The following NPC1 variants were observed in gnomAD, a reference collection of about 807,000 sequenced individuals.
NPC1 encodes the protein NPC intracellular cholesterol transporter 1.
In NPC1, 85 loss-of-function variants were observed where a neutral mutation model predicts 140.4. The observed-to-expected ratio is 0.61, with a 90% confidence interval of 0.51 to 0.72. NPC1 has a LOEUF of 0.72. NPC1 is among the 30% of genes least tolerant of loss of function. The probability of loss-of-function intolerance (pLI) is 0.00; values close to 1 mark genes in which losing one functional copy is unlikely to be tolerated. For synonymous variants in NPC1, 656 were observed against 624.8 expected, an observed-to-expected ratio of 1.05 and a Z score of -0.74; for missense variants, 1,504 against 1,623.8, an observed-to-expected ratio of 0.93 and a Z score of 1.27.
intron 19 of NPC1, 105 bp from the exon 20 acceptor site, chr18:23,538,776 G>T: frequency 1.6e-6 from 2 of 1,236,476 alleles, no homozygotes; most frequent in Non-Finnish European, 2.3e-6. Context: ...CTTCTCTATC[G>T]ATTACTTTCC....
chr18:23,539,242 C>T (rs2058676748), intron 19 of NPC1, 113 bp downstream of exon 19: 1 of 753,984 alleles, frequency 1.3e-6, no homozygotes, highest in South Asian at 1.5e-5. Flanking sequence ...CACAGGGAGA[C>T]CCAGCTTTGA....
At chr18:23,530,622 CAATGA>C (rs751971811), downstream of NPC1, 1 of 1,609,960 alleles carries the variant, frequency 6.2e-7, no homozygotes, top group Non-Finnish European at 8.5e-7. Context: ...GGTGAGAATG[CAATGA>C]AAAGACTTGG....
At chr18:23,571,939 A>G (rs1351474065) in intron 3 of NPC1, 135 bp downstream of exon 3, 2 of 306,640 alleles carry the variant, frequency 6.5e-6, no homozygotes, top group South Asian at 5.6e-5. Context: ...ACATATATGT[A>G]TAAATATATA....
intron 9 of NPC1, among the ~76,000 whole-genome samples, chr18:23,552,039 G>A (rs1294844667): frequency 6.6e-6 from 1 of 152,198 alleles, no homozygotes; most frequent in Non-Finnish European, 1.5e-5. Flanking sequence ...CAGACCCAGA[G>A]CTCCGAGGAT....
chr18:23,534,132 C>T (rs771681995), intron 23 of NPC1: 12 of 498,120 alleles, frequency 2.4e-5, no homozygotes, highest in Middle Eastern at 5.7e-4. Flanking sequence ...AGGCACCAAC[C>T]GCACATCACA....
chr18:23,518,818 C>T (rs1030175254), downstream of NPC1: 25 of 1,359,116 alleles, frequency 1.8e-5, no homozygotes, highest in Non-Finnish European at 2.5e-5. Flanking sequence ...ATTTACTTAA[C>T]CGTGATGCCA....
intron 6 of NPC1, 122 bp downstream of exon 6, chr18:23,560,109 A>T (rs1333768728): frequency 8.5e-7 from 1 of 1,178,966 alleles, no homozygotes; most frequent in East Asian, 2.3e-5. Flanking sequence ...TAATCCATGC[A>T]ATGGTATTCA....
In NPC1 at chr18:23,568,770, C is replaced by T. The variant is rs149021947; in HGVS notation, c.463+53G>A. On this transcript the variant is annotated intron_variant, in intron 4 of 24. Coordinates refer to ENST00000269228, the MANE Select transcript of NPC1 (RefSeq NM_000271.5). ...CAGGACAACTAAAAGGAACAATTTG[C>T]TCTGCTGTCCTGATGCCAGCTGTAA... 315 of 1,423,026 alleles carry T rather than the reference C, an allele frequency of 2.2e-4. 2 individuals carry two copies. The African/African-American group carries it at 3.9e-3, about 18-fold the overall frequency. The allele number at this position is 1,423,026 out of a possible 1,614,324, so 88.1% of individuals were successfully genotyped here.
chr18:23,551,602 A>C, intron 10 of NPC1, 25 bp downstream of exon 10: 3 of 1,530,628 alleles, frequency 2.0e-6, no homozygotes, highest in Non-Finnish European at 2.7e-6. Flanking sequence ...ATCTAAAAGG[A>C]AAAGTCAAAG....
In NPC1 at chr18:23,568,973, G is replaced by A. The variant is rs771946739; in HGVS notation, c.313C>T (p.Leu105=). The A allele has an allele frequency of 2.5e-6, 4 of 1,613,852 alleles. No individual in the cohort carries two copies. Among genetic ancestry groups the A allele is most frequent in the South Asian group, 2.2e-5 (2 of 91,066 alleles). The change falls in exon 4 of 25, where the codon CTG becomes TTG. Residue 105 remains leucine, a synonymous_variant. Coordinates refer to ENST00000269228, the MANE Select transcript of NPC1 (RefSeq NM_000271.5). ...SRCPSCFYNL[L]NLFCELTCSP... Reference sequence around the variant, plus strand: ...CATGTCAGCTCACAAAACAGGTTCAGTAGGTTATAAAAACAGGATGGACAT... The same window carrying A: ...CATGTCAGCTCACAAAACAGGTTCAATAGGTTATAAAAACAGGATGGACAT...
At chr18:23,575,352 G>A (rs1267068496) in intron 1 of NPC1, among the ~76,000 whole-genome samples, 9 of 152,204 alleles carry the variant, frequency 5.9e-5, no homozygotes, top group Admixed American at 3.9e-4. Flanking sequence ...AGGGGTGGGT[G>A]AGAAGGCGGC....
chr18:23,527,427 C>T (rs1049314943), downstream of NPC1, among the ~76,000 whole-genome samples: 2 of 151,378 alleles, frequency 1.3e-5, no homozygotes, highest in African/African-American at 4.9e-5. Context: ...TAATCCCCTA[C>T]CAATATGTGC....
chr18:23,514,422 TG>T (rs898947377), intron 3 of NPC1, among the ~76,000 whole-genome samples: 1 of 151,934 alleles, frequency 6.6e-6, no homozygotes, highest in African/African-American at 2.4e-5. Flanking sequence ...CTGGGTGTGG[TG>T]GTGGGCGCCT....
chr18:23,577,804 A>C (rs1045355478), intron 1 of NPC1, among the ~76,000 whole-genome samples: 4 of 152,226 alleles, frequency 2.6e-5, no homozygotes, highest in Non-Finnish European at 5.9e-5. Flanking sequence ...CCAGCGAGAA[A>C]TCGAGCGCAG....
chr18:23,512,195 ATT>A (rs1421934457), intron 3 of NPC1, among the ~76,000 whole-genome samples: 1 of 151,464 alleles, frequency 6.6e-6, no homozygotes, highest in African/African-American at 2.4e-5. Context: ...TAATTTTTGT[ATT>A]TTTAGAAGAG....
At position 23,586,442 on chromosome 18, in the gene NPC1, G is replaced by C. The variant is rs1322101809; in HGVS notation, c.-99C>G. On this transcript the variant is annotated 5_prime_UTR_variant, in exon 1 of 25. Coordinates refer to ENST00000269228, the MANE Select transcript of NPC1 (RefSeq NM_000271.5). ...CCGGGCTGTTTCAGCACCCCGCGCAGGAGGAGCGGAGGAGCAGGAGCAGGC... is the reference window on the plus strand; with the variant it reads ...CCGGGCTGTTTCAGCACCCCGCGCACGAGGAGCGGAGGAGCAGGAGCAGGC... 2 of 1,502,748 alleles carry C rather than the reference G, an allele frequency of 1.3e-6. No individual in the cohort carries two copies. Among genetic ancestry groups the C allele is most frequent in the East Asian group, 5.2e-5 (2 of 38,452 alleles). The allele number at this position is 1,502,748 out of a possible 1,614,324, so 93.1% of individuals were successfully genotyped here.
chr18:23,528,262 T>G (rs906041641), downstream of NPC1: 3 of 169,462 alleles, frequency 1.8e-5, no homozygotes, highest in African/African-American at 7.2e-5. Context: ...ACTTAGAAAA[T>G]TAAATTAGAA....
At chr18:23,539,243 C>T (rs2058676797) in intron 19 of NPC1, 112 bp downstream of exon 19, 2 of 756,088 alleles carry the variant, frequency 2.6e-6, no homozygotes, top group Non-Finnish European at 2.4e-6. Context: ...ACAGGGAGAC[C>T]CAGCTTTGAT....
rs1555631571 is a variant in NPC1 at position 23,533,354 on chromosome 18, C to A, written c.3754+1G>T. The A allele has an allele frequency of 6.2e-7, 1 of 1,613,780 alleles. No individual in the cohort carries two copies. Among genetic ancestry groups the A allele is most frequent in the Non-Finnish European group, 8.5e-7 (1 of 1,179,670 alleles). On this transcript the variant is annotated splice_donor_variant, in intron 24 of 24. Coordinates refer to ENST00000269228, the MANE Select transcript of NPC1 (RefSeq NM_000271.5). LOFTEE classifies it high-confidence loss of function. ...CACCCTTTTAAGATGAGAACTCTTACCTATGTAACTGAGTAAGACAGGGAG... is the reference window on the plus strand; with the variant it reads ...CACCCTTTTAAGATGAGAACTCTTAACTATGTAACTGAGTAAGACAGGGAG...
Sources: gnomAD v4.1 joint callset for allele counts (sites outside exome capture counted in the v4.1 genomes callset) on GRCh38, gnomAD v4.1.1 for gene constraint, MANE v1.5 for transcripts, NCBI Gene and HGNC (gene_info 2026-07-23, HGNC 2026-07-21) for gene names.